Variants in NAALADL2 observed in about 807,000 individuals in gnomAD.
NAALADL2 encodes N-acetylated alpha-linked acidic dipeptidase like 2, also known as inactive N-acetylated-alpha-linked acidic dipeptidase-like protein 2.
Under a neutral mutation model 87.2 loss-of-function variants are expected in NAALADL2, and 76 were observed. The ratio of observed to expected loss-of-function variants is 0.87; its 90% confidence interval spans 0.72 to 1.05. The LOEUF is 1.05. Among genes scored for constraint, NAALADL2 ranks in the 50% least tolerant of loss-of-function variants. The probability of loss-of-function intolerance (pLI) is 0.00; values close to 1 mark genes in which losing one functional copy is unlikely to be tolerated. For synonymous variants in NAALADL2, 354 were observed against 331.0 expected (o/e 1.07, Z -0.75); for missense variants, 1,089 against 945.8 (o/e 1.15, Z -1.99).
At chr3:174,662,798 T>C (rs1277603312) in intron 2 of NAALADL2, among the ~76,000 whole-genome samples, 1 of 152,242 alleles carries the variant, frequency 6.6e-6, no homozygotes. Context: ...ATGTTGGGTA[T>C]GCTCTGTGCT....
chr3:175,764,243 G>A (rs1445506302), intron 13 of NAALADL2, among the ~76,000 whole-genome samples: 1 of 151,636 alleles, frequency 6.6e-6, no homozygotes, highest in Non-Finnish European at 1.5e-5. Context: ...CTACATCTTG[G>A]CTAAGCAGAC....
chr3:175,147,106 T>G (rs1229537398), intron 2 of NAALADL2, among the ~76,000 whole-genome samples: 2 of 152,160 alleles, frequency 1.3e-5, no homozygotes, highest in Non-Finnish European at 1.5e-5. Context: ...AATTTCAAAT[T>G]CATTTTAGAT....
At chr3:174,511,434 T>C (rs2108391573) in intron 1 of NAALADL2, among the ~76,000 whole-genome samples, 1 of 152,188 alleles carries the variant, frequency 6.6e-6, no homozygotes, top group Non-Finnish European at 1.5e-5. Flanking sequence ...TTAATATTAC[T>C]CATTGCTCTC....
At chr3:175,587,828 A>G (rs964782129) in intron 10 of NAALADL2, among the ~76,000 whole-genome samples, 21 of 152,110 alleles carry the variant, frequency 1.4e-4, no homozygotes, top group Non-Finnish European at 3.1e-4. Context: ...ACAGTTCATA[A>G]CCCACACAAA....
In NAALADL2 at chr3:174,646,554, A is replaced by T. The variant is rs181157648; in HGVS notation, c.-114-91087A>T. Among the ~76,000 whole-genome samples, 131 of 152,216 alleles carry T rather than the reference A, an allele frequency of 8.6e-4. 1 individual carries two copies. The highest frequency in any genetic ancestry group is 3.0e-3 in the African/African-American group (125 of 41,556). On this transcript the variant is annotated intron_variant, in intron 2 of 3. Coordinates refer to the NAALADL2 transcript ENST00000434257. ...TTTGGCTGAAACAAAAACAATCTCA[A>T]TAAACAGTACAAAAATTCATTTAAA...
Position 174,556,004 on chromosome 3 carries a change from T to C in NAALADL2, c.-115+5367T>C, listed in dbSNP as rs939739439. Among the ~76,000 whole-genome samples, 7 of 139,678 alleles carry C rather than the reference T, an allele frequency of 5.0e-5. 1 individual carries two copies. Among genetic ancestry groups the C allele is most frequent in the African/African-American group, 1.9e-4 (7 of 36,828 alleles). 91.6% of individuals were successfully genotyped at this position (139,678 alleles called of 152,430 possible). Reference sequence around the variant, plus strand: ...GTGTGTGTGTGTGTGTGTGTGTGTGTGTGTGCGCGCACGTGAGTGTGTTTC... The same window carrying C: ...GTGTGTGTGTGTGTGTGTGTGTGTGCGTGTGCGCGCACGTGAGTGTGTTTC... On this transcript the variant is annotated intron_variant, in intron 2 of 3. Transcript: ENST00000434257.
chr3:175,250,123 C>T (rs553007997), intron 3 of NAALADL2, among the ~76,000 whole-genome samples: 3 of 149,640 alleles, frequency 2.0e-5, no homozygotes, highest in Admixed American at 1.3e-4. Flanking sequence ...TAGTCAAGAT[C>T]GTGCCACTGC....
intron 3 of NAALADL2, among the ~76,000 whole-genome samples, chr3:174,780,232 C>A (rs2109143789): frequency 6.6e-6 from 1 of 152,140 alleles, no homozygotes; most frequent in Non-Finnish European, 1.5e-5. Flanking sequence ...AAGTTGTATT[C>A]TCTTTGTAGC....
intron 5 of NAALADL2, among the ~76,000 whole-genome samples, chr3:175,339,424 T>A (rs548270056): frequency 1.1e-4 from 16 of 152,286 alleles, no homozygotes; most frequent in African/African-American, 3.6e-4. Context: ...GGAAGGGATC[T>A]TAGAGGTTAT....
chr3:175,205,723 C>A (rs1740721792), intron 2 of NAALADL2, among the ~76,000 whole-genome samples: 1 of 151,836 alleles, frequency 6.6e-6, no homozygotes, highest in African/African-American at 2.4e-5. Context: ...TATCCAGAAT[C>A]TATAACAAAC....
At chr3:175,755,076 A>AAG in intron 12 of NAALADL2, 144 bp from the exon 13 acceptor site, 2 of 631,720 alleles carry the variant, frequency 3.2e-6, no homozygotes, top group Non-Finnish European at 5.2e-6. Flanking sequence ...GACAAAAAAA[A>AAG]AGAGAGAGAG....
chr3:175,076,340 T>TA (rs1491451958), intron 1 of NAALADL2, among the ~76,000 whole-genome samples: 1 of 149,434 alleles, frequency 6.7e-6, no homozygotes, highest in East Asian at 1.9e-4. Flanking sequence ...TTTTTTTTTT[T>TA]ACTTTATTCT....
At chr3:174,487,075 A>T (rs1055028552) in intron 1 of NAALADL2, among the ~76,000 whole-genome samples, 4 of 151,918 alleles carry the variant, frequency 2.6e-5, no homozygotes, top group Admixed American at 2.0e-4. Context: ...TGCTTAGACG[A>T]TGGAAGCTGA....
At chr3:175,191,693 C>T (rs1447989671) in intron 2 of NAALADL2, among the ~76,000 whole-genome samples, 2 of 152,140 alleles carry the variant, frequency 1.3e-5, no homozygotes, top group Non-Finnish European at 2.9e-5. Context: ...ATAATGTACG[C>T]ATTTTGGTTT....
chr3:174,914,320 C>T (rs921498945), intron 1 of NAALADL2, among the ~76,000 whole-genome samples: 5 of 152,110 alleles, frequency 3.3e-5, no homozygotes, highest in African/African-American at 4.8e-5. Flanking sequence ...ACCTCTGCCT[C>T]CCAAAGTGCT....
chr3:175,319,999 C>T lies in NAALADL2; in HGVS notation c.940-4176C>T, dbSNP rs75307991. ...GCTTACTCCACTGCAAAAGTTAATA[C>T]GCAACATAAGCAGTAATTGGGGAGT... On this transcript the variant is annotated intron_variant, in intron 4 of 13. Transcript: ENST00000454872. Among the ~76,000 whole-genome samples, 292 of 152,254 alleles carry T rather than the reference C, an allele frequency of 1.9e-3. 6 individuals carry two copies. The South Asian group carries it at 0.031, about 16-fold the overall frequency.
At chr3:174,849,183 T>A (rs957584830) in intron 3 of NAALADL2, among the ~76,000 whole-genome samples, 1 of 152,196 alleles carries the variant, frequency 6.6e-6, no homozygotes, top group Admixed American at 6.5e-5. Context: ...CTATGGACTT[T>A]ATAAACACTG....
intron 1 of NAALADL2, among the ~76,000 whole-genome samples, chr3:175,053,047 A>G (rs146454143): frequency 6.6e-6 from 1 of 152,314 alleles, no homozygotes; most frequent in East Asian, 1.9e-4. Flanking sequence ...CTGCAATGTG[A>G]TCTTCCTAAA....
intron 3 of NAALADL2, among the ~76,000 whole-genome samples, chr3:174,765,349 G>A (rs1467899086): frequency 6.6e-6 from 1 of 152,122 alleles, no homozygotes; most frequent in Non-Finnish European, 1.5e-5. Flanking sequence ...GTAAGAACAA[G>A]TTTCATTACC....
Sources: allele counts gnomAD v4.1 joint callset (sites outside exome capture counted in the v4.1 genomes callset), GRCh38; gene constraint gnomAD v4.1.1; transcripts MANE v1.5; gene names NCBI Gene and HGNC (gene_info 2026-07-23, HGNC 2026-07-21).